RPRD2: variants seen among roughly 807,000 people sequenced by gnomAD.
RPRD2 encodes the protein regulation of nuclear pre-mRNA domain-containing protein 2.
In RPRD2, 12 loss-of-function variants were observed where a neutral mutation model predicts 104.4. The ratio of observed to expected loss-of-function variants is 0.11; its 90% CI spans 0.07 to 0.19. RPRD2 has a LOEUF of 0.19. Among genes scored for constraint, RPRD2 ranks in the 10% least tolerant of loss-of-function variants. The pLI is 1.00. For synonymous variants in RPRD2, 714 were observed against 684.9 expected (o/e 1.04, Z -0.66); for missense variants, 1,543 against 1,790.1 (o/e 0.86, Z 2.49).
chr1:150,445,864 C>T (rs951073955), intron 6 of RPRD2, among the ~76,000 whole-genome samples: 2 of 151,962 alleles, frequency 1.3e-5, no homozygotes, highest in East Asian at 1.9e-4. Flanking sequence ...GTCAGGAGCT[C>T]GAGACCATCC....
chr1:150,471,781 A>C lies in RPRD2; in HGVS notation c.2833A>C (p.Asn945His). 7 of 1,613,822 alleles carry C rather than the reference A, an allele frequency of 4.3e-6. No homozygotes were observed. Among genetic ancestry groups the C allele is most frequent in the Non-Finnish European group, 5.1e-6 (6 of 1,179,848 alleles). ...DSFFTPDSNHNSLSQSTTGHL... is the reference protein window; with the variant it reads ...DSFFTPDSNHHSLSQSTTGHL... ...ATTTTTCACCCCTGACTCCAACCAC[A>C]ATAGCTTGTCTCAATCTACCACTGG... The change falls in exon 11 of 11, where the codon AAT becomes CAT. Residue 945 changes from asparagine to histidine, a missense_variant. Physicochemically the swap from Asn to His is moderately conservative, Grantham distance 68. This residue lies in a region of RPRD2 where 880 missense variants were observed against 885.6 expected (regional missense o/e 0.99). Coordinates refer to ENST00000369068, the MANE Select transcript of RPRD2 (RefSeq NM_015203.5). This position sits in a 1 kb window ranked among gnomAD's most constrained non-coding sequence, Gnocchi z 5.3.
At chr1:150,452,255 A>T (rs1188775387) in intron 7 of RPRD2, among the ~76,000 whole-genome samples, 1 of 152,192 alleles carries the variant, frequency 6.6e-6, no homozygotes, top group East Asian at 1.9e-4. Flanking sequence ...ACAAGCCAAA[A>T]ACATCAAGGA....
At chr1:150,427,025 G>A (rs1665179827) in intron 2 of RPRD2, among the ~76,000 whole-genome samples, 1 of 152,102 alleles carries the variant, frequency 6.6e-6, no homozygotes, top group African/African-American at 2.4e-5. Flanking sequence ...TGCGCCTGTA[G>A]TTCCAGCTTC....
chr1:150,373,288 A>G (rs1367305907), intron 1 of RPRD2, among the ~76,000 whole-genome samples: 1 of 152,180 alleles, frequency 6.6e-6, no homozygotes, highest in Non-Finnish European at 1.5e-5. Context: ...TGCTGGGATT[A>G]CAGGCGTGAG....
intron 1 of RPRD2, among the ~76,000 whole-genome samples, chr1:150,398,350 C>A (rs1228899143): frequency 7.2e-5 from 11 of 151,928 alleles, no homozygotes; most frequent in Non-Finnish European, 1.5e-4. Context: ...GTGCCTGCCA[C>A]CACGCCTGGC....
intron 1 of RPRD2, among the ~76,000 whole-genome samples, chr1:150,404,150 T>G (rs1663283745): frequency 6.6e-6 from 1 of 152,168 alleles, no homozygotes. Flanking sequence ...CTTGTGTGAT[T>G]ATGTGTTTGT....
At chr1:150,401,291 C>T (rs1662980775) in intron 1 of RPRD2, among the ~76,000 whole-genome samples, 1 of 152,162 alleles carries the variant, frequency 6.6e-6, no homozygotes, top group South Asian at 2.1e-4. Flanking sequence ...AGTTTGAGGC[C>T]AGCCTGGCCA....
intron 9 of RPRD2, among the ~76,000 whole-genome samples, chr1:150,463,775 T>C (rs587708474): frequency 4.8e-4 from 73 of 152,352 alleles, no homozygotes; most frequent in African/African-American, 1.7e-3. Flanking sequence ...CTGCAGTGGC[T>C]CTCAGCATCC....
intron 1 of RPRD2, among the ~76,000 whole-genome samples, chr1:150,400,885 TA>T (rs1553885207): frequency 2.9e-4 from 43 of 148,436 alleles, no homozygotes; most frequent in African/African-American, 2.5e-4. Context: ...TTTTTTTTTT[TA>T]AAAAAAAGAG....
chr1:150,458,129 C>T (rs1169899103), intron 8 of RPRD2, among the ~76,000 whole-genome samples: 1 of 151,770 alleles, frequency 6.6e-6, no homozygotes, highest in African/African-American at 2.4e-5. Flanking sequence ...TGAAATGAAG[C>T]TTGTCCAACT....
At chr1:150,422,436 A>AT (rs1241239778) in intron 2 of RPRD2, among the ~76,000 whole-genome samples, 45 of 151,824 alleles carry the variant, frequency 3.0e-4, no homozygotes, top group Non-Finnish European at 4.4e-4. Flanking sequence ...CCTTTTCTGA[A>AT]TTTTTTTCTC....
At chr1:150,452,057 G>A (rs201184238) in intron 7 of RPRD2, among the ~76,000 whole-genome samples, 1 of 150,160 alleles carries the variant, frequency 6.7e-6, no homozygotes, top group Non-Finnish European at 1.5e-5. Context: ...CAGGAGAATC[G>A]CCTGAACCCA....
Position 150,473,072 on chromosome 1 carries a change from C to T in RPRD2, c.4124C>T (p.Ser1375Phe). The change falls in exon 11 of 11, where the codon TCT becomes TTT. Residue 1375 changes from serine (S) to phenylalanine (F), a missense_variant. Physicochemically the swap from Ser to Phe is radical, Grantham distance 155. Transcript: ENST00000369068. ...GAGAGCCTCACCCTACCCTCCCATT[C>T]TCTGGAACACCTGGGCCCACCCCAT... is the stretch of plus-strand genomic sequence containing the variant. ...VRESLTLPSHSLEHLGPPHGG... is the reference protein window; with the variant it reads ...VRESLTLPSHFLEHLGPPHGG... 6.2e-7 allele frequency: 1 copy of T among 1,614,030 alleles called. No individual in the cohort carries two copies. The highest frequency in any genetic ancestry group is 2.2e-5 in the East Asian group (1 of 44,868).
intron 1 of RPRD2, among the ~76,000 whole-genome samples, chr1:150,369,623 A>ATTTCTTTTTTT (rs1660138064): frequency 1.5e-5 from 1 of 68,900 alleles, no homozygotes; most frequent in Non-Finnish European, 3.0e-5. Flanking sequence ...CGCCCAGCTA[A>ATTTCTTTTTTT]TTTTTTTTTT....
At chr1:150,383,962 G>GA (rs1199460009) in intron 1 of RPRD2, among the ~76,000 whole-genome samples, 7 of 152,138 alleles carry the variant, frequency 4.6e-5, no homozygotes, top group African/African-American at 1.7e-4. Flanking sequence ...TTGTGCAACA[G>GA]AATTTCCCAA....
chr1:150,425,564 A>G (rs1254300321), intron 2 of RPRD2, among the ~76,000 whole-genome samples: 1 of 151,620 alleles, frequency 6.6e-6, no homozygotes, highest in Non-Finnish European at 1.5e-5. Flanking sequence ...AATTGCTTGA[A>G]CCTGGGAAGC....
intron 1 of RPRD2, among the ~76,000 whole-genome samples, chr1:150,393,820 A>G (rs1217271932): frequency 6.6e-6 from 1 of 152,140 alleles, no homozygotes; most frequent in Non-Finnish European, 1.5e-5. Context: ...TGGATCATCA[A>G]AGTCATGAAG....
At chr1:150,374,015 A>T (rs368572742) in intron 1 of RPRD2, among the ~76,000 whole-genome samples, 14 of 152,154 alleles carry the variant, frequency 9.2e-5, no homozygotes, top group African/African-American at 3.4e-4. Flanking sequence ...GTCATTTTGT[A>T]TGCTAATGAG....
chr1:150,373,952 C>T (rs587656468), intron 1 of RPRD2, among the ~76,000 whole-genome samples: 38 of 152,192 alleles, frequency 2.5e-4, no homozygotes, highest in African/African-American at 9.2e-4. Flanking sequence ...TGGTCTCTGT[C>T]CCATTTCCTG....
Sources: allele counts gnomAD v4.1 joint callset (sites outside exome capture counted in the v4.1 genomes callset), GRCh38; gene constraint gnomAD v4.1.1; regional missense constraint gnomAD v4.1.1; non-coding constraint Gnocchi (gnomAD v3.1); transcripts MANE v1.5; gene names NCBI Gene and HGNC (gene_info 2026-07-23, HGNC 2026-07-21).